The following CTNNA3 variants were observed in gnomAD, a reference collection of about 807,000 sequenced individuals.
CTNNA3 encodes the protein catenin alpha 3.
CTNNA3 carries 76 observed loss-of-function variants against 95.7 expected under a neutral mutation model. The ratio of observed to expected loss-of-function variants is 0.79; its 90% CI spans 0.66 to 0.96. The LOEUF is 0.96. Ranked by LOEUF, CTNNA3 falls within the 40% of genes least tolerant of loss-of-function variation. CTNNA3 has a pLI of 0.00. For synonymous variants in CTNNA3, 431 were observed against 374.4 expected, an observed-to-expected ratio of 1.15 and a Z score of -1.74; for missense variants, 1,191 against 1,089.8, an observed-to-expected ratio of 1.09 and a Z score of -1.31.
intron 13 of CTNNA3, among the ~76,000 whole-genome samples, chr10:66,165,716 TGTC>T (rs1484040031): frequency 6.6e-6 from 1 of 152,056 alleles, no homozygotes; most frequent in Non-Finnish European, 1.5e-5. Context: ...TATGTGCATG[TGTC>T]ATCATTTTGT....
At chr10:67,726,271 T>A (rs1841214804) in intron 1 of CTNNA3, among the ~76,000 whole-genome samples, 1 of 86,510 alleles carries the variant, frequency 1.2e-5, no homozygotes, top group South Asian at 3.7e-4. Flanking sequence ...TTACATATTA[T>A]ATATATTATA....
chr10:67,300,956 G>A (rs1840242201), intron 5 of CTNNA3, among the ~76,000 whole-genome samples: 1 of 152,258 alleles, frequency 6.6e-6, no homozygotes. Flanking sequence ...TTTTATTTAA[G>A]TTTTAAAATA....
chr10:67,151,417 G>A (rs763385072), intron 7 of CTNNA3, among the ~76,000 whole-genome samples: 17 of 152,062 alleles, frequency 1.1e-4, no homozygotes, highest in Non-Finnish European at 1.6e-4. Context: ...ATGACACCAA[G>A]TATCATATGG....
chr10:66,025,377 T>C (rs1243222564), intron 15 of CTNNA3, among the ~76,000 whole-genome samples: 1 of 152,144 alleles, frequency 6.6e-6, no homozygotes, highest in Non-Finnish European at 1.5e-5. Context: ...ACAGTGGAGG[T>C]GATGAAAACA....
chr10:67,389,174 T>A (rs1180492744), intron 5 of CTNNA3, among the ~76,000 whole-genome samples: 4 of 151,702 alleles, frequency 2.6e-5, no homozygotes, highest in Non-Finnish European at 5.9e-5. Context: ...CCATCTCACG[T>A]GCAGAGACAC....
At chr10:67,574,732 C>A (rs1206748890) in intron 3 of CTNNA3, among the ~76,000 whole-genome samples, 1 of 151,940 alleles carries the variant, frequency 6.6e-6, no homozygotes, top group Non-Finnish European at 1.5e-5. Flanking sequence ...AGGCACCCAC[C>A]GCCATGCCCG....
intron 5 of CTNNA3, among the ~76,000 whole-genome samples, chr10:67,291,728 A>G (rs1839844383): frequency 6.6e-6 from 1 of 152,188 alleles, no homozygotes; most frequent in South Asian, 2.1e-4. Context: ...TTTGCATATT[A>G]CTGTAACCTC....
intron 5 of CTNNA3, among the ~76,000 whole-genome samples, chr10:67,431,690 T>C (rs968049682): frequency 1.3e-4 from 19 of 151,922 alleles, no homozygotes; most frequent in African/African-American, 4.6e-4. Flanking sequence ...TAAATACCCA[T>C]TAAACCAAGA....
rs80236617 is a variant in CTNNA3, at chr10:66,920,209, T to C, written c.1048-144685A>G. 1.1e-4 allele frequency among the ~76,000 whole-genome samples: 17 copies of C among 152,344 alleles called. No homozygotes were observed. The East Asian group carries it at 2.5e-3, about 22-fold the overall frequency. ...AAATATCTGTAACACTTTATAAATA[T>C]TGTACAATGTACTTACTCATAAATC... On this transcript the variant is annotated intron_variant, in intron 7 of 17. Transcript: ENST00000433211.
chr10:67,235,702 G>C (rs376893892), intron 5 of CTNNA3, among the ~76,000 whole-genome samples: 12 of 142,664 alleles, frequency 8.4e-5, no homozygotes, highest in African/African-American at 2.7e-4. Context: ...CACAGCAAAA[G>C]AAACTACCAT....
intron 12 of CTNNA3, among the ~76,000 whole-genome samples, chr10:66,303,107 T>A (rs2132233756): frequency 6.6e-6 from 1 of 152,292 alleles, no homozygotes; most frequent in Non-Finnish European, 1.5e-5. Context: ...GATATTCAAA[T>A]GTAAAATGTT....
chr10:66,476,891 A>G (rs1839345955), intron 11 of CTNNA3, among the ~76,000 whole-genome samples: 2 of 152,092 alleles, frequency 1.3e-5, no homozygotes, highest in African/African-American at 4.8e-5. Flanking sequence ...TCAAATTAGC[A>G]AGAAATCTAG....
chr10:67,453,183 T>C (rs949661138), intron 5 of CTNNA3, among the ~76,000 whole-genome samples: 7 of 151,966 alleles, frequency 4.6e-5, no homozygotes, highest in Non-Finnish European at 7.4e-5. Context: ...GGAGAGAAAA[T>C]AGTGATTGTA....
In CTNNA3 at chr10:65,988,759, T is replaced by G; in HGVS notation, c.2198A>C (p.Tyr733Ser). 1 of 1,614,080 alleles carries G rather than the reference T, an allele frequency of 6.2e-7. No individual in the cohort carries two copies. Among genetic ancestry groups the G allele is most frequent in the Non-Finnish European group, 8.5e-7 (1 of 1,179,978 alleles). ...GPLKHTTDVI[Y>S]AAKMISESGS... ...TGATTCTGATATCATTTTCGCTGCA[T>G]AGATCACATCAGTTGTATGCTTTAG... The change falls in exon 16 of 18, where the codon TAT becomes TCT. Residue 733 changes from tyrosine to serine, a missense_variant. Coordinates refer to ENST00000433211, the MANE Select transcript of CTNNA3 (RefSeq NM_013266.4).
chr10:67,325,058 T>G (rs1451619710), intron 5 of CTNNA3, among the ~76,000 whole-genome samples: 30 of 152,166 alleles, frequency 2.0e-4, no homozygotes, highest in African/African-American at 7.0e-4. Context: ...GATTGTTATT[T>G]GTATTTCTGT....
intron 3 of CTNNA3, among the ~76,000 whole-genome samples, chr10:67,543,094 T>C (rs1840733299): frequency 1.3e-5 from 2 of 152,038 alleles, no homozygotes; most frequent in Admixed American, 6.6e-5. Flanking sequence ...ATAAAAATAA[T>C]TTACTAAAGG....
intron 3 of CTNNA3, among the ~76,000 whole-genome samples, chr10:67,583,078 A>T (rs1227029914): frequency 6.6e-6 from 1 of 152,022 alleles, no homozygotes; most frequent in Non-Finnish European, 1.5e-5. Flanking sequence ...TAATATTGTT[A>T]TGTGTGAATT....
intron 5 of CTNNA3, among the ~76,000 whole-genome samples, chr10:67,500,554 G>T (rs1415927409): frequency 6.6e-6 from 1 of 152,136 alleles, no homozygotes; most frequent in Admixed American, 6.5e-5. Flanking sequence ...TTATTGTGTG[G>T]GAGTCTAAGT....
chr10:66,258,932 A>T (rs1164832295), intron 13 of CTNNA3, among the ~76,000 whole-genome samples: 1 of 152,156 alleles, frequency 6.6e-6, no homozygotes, highest in African/African-American at 2.4e-5. Context: ...GTCCAAAAAA[A>T]TTTTCAAACA....
Sources: allele counts gnomAD v4.1 joint callset (sites outside exome capture counted in the v4.1 genomes callset), GRCh38; gene constraint gnomAD v4.1.1; transcripts MANE v1.5; gene names NCBI Gene and HGNC (gene_info 2026-07-23, HGNC 2026-07-21).